GSE1: variants seen among roughly 807,000 people sequenced by gnomAD.
GSE1 encodes the protein Gse1 coiled-coil protein.
Under a neutral mutation model 112.6 loss-of-function variants are expected in GSE1, and 32 were observed. The ratio of observed to expected loss-of-function variants is 0.28; its 90% CI spans 0.21 to 0.38. GSE1 has a LOEUF of 0.38. GSE1 is among the 10% of genes least tolerant of loss of function. The pLI is 1.00. For missense variants in GSE1, 2,348 were observed against 1,699.2 expected (o/e 1.38, Z -6.71); for synonymous variants, 1,115 against 735.6 (o/e 1.52, Z -8.35).
chr16:85,629,789 G>A (rs754000931), intron 1 of GSE1, among the ~76,000 whole-genome samples: 5 of 152,232 alleles, frequency 3.3e-5, no homozygotes, highest in Non-Finnish European at 4.4e-5. Flanking sequence ...TGTGCAGATA[G>A]TTTCACTTCT....
intron 13 of GSE1, 90 bp downstream of exon 13, chr16:85,666,437 C>G: frequency 7.8e-7 from 1 of 1,274,220 alleles, no homozygotes; most frequent in Non-Finnish European, 1.1e-6. Flanking sequence ...GCCGTTCAGC[C>G]GTGGGCACAA....
Position 85,661,555 on chromosome 16 carries a change from A to G in GSE1, c.2050A>G (p.Thr684Ala). 3.1e-6 allele frequency: 5 copies of G among 1,611,632 alleles called. No individual in the cohort carries two copies. In the South Asian group the frequency reaches 5.5e-5, roughly 18 times the overall value. Residue 684 changes from threonine to alanine, a missense_variant, in exon 9 of 16, where the codon ACC becomes GCC. By Grantham distance (58) the Thr-to-Ala change is moderately conservative (BLOSUM62 0). Coordinates refer to ENST00000253458, the MANE Select transcript of GSE1 (RefSeq NM_014615.5). ...GGCTGAGCTCGAGAAGTCCACCCAG[A>G]CCATCCTGGGCCAGCAGCGGGCCTC... The part of the protein sequence containing the change: ...FLAELEKSTQ[T>A]ILGQQRASLP...
At chr16:85,524,316 C>T (rs555662703) in intron 2 of GSE1, among the ~76,000 whole-genome samples, 3 of 152,138 alleles carry the variant, frequency 2.0e-5, no homozygotes, top group African/African-American at 7.2e-5. Context: ...CCCAGTCCTG[C>T]TGCTTGCCGG....
chr16:85,515,952 A>G (rs2051920283), intron 2 of GSE1, among the ~76,000 whole-genome samples: 2 of 152,066 alleles, frequency 1.3e-5, no homozygotes, highest in Admixed American at 1.3e-4. Context: ...AGCACCGCAC[A>G]CGTTGGGCAG....
intron 4 of GSE1, 74 bp downstream of exon 4, chr16:85,654,524 A>T (rs763121045): frequency 2.3e-5 from 30 of 1,322,166 alleles, no homozygotes; most frequent in Non-Finnish European, 2.8e-5. Context: ...GTCCCCAGGC[A>T]GCCTGCGGTC....
intron 2 of GSE1, among the ~76,000 whole-genome samples, chr16:85,534,282 T>C (rs1245234867): frequency 6.6e-6 from 1 of 151,742 alleles, no homozygotes; most frequent in Non-Finnish European, 1.5e-5. Flanking sequence ...CCACCACACC[T>C]GGCTAATTTT....
At chr16:85,257,669 G>C (rs1033302329) in intron 1 of GSE1, among the ~76,000 whole-genome samples, 5 of 152,298 alleles carry the variant, frequency 3.3e-5, no homozygotes, top group African/African-American at 9.6e-5. Context: ...AAATTGGCAG[G>C]ACGTGGTGGT....
At chr16:85,533,920 T>C (rs986883361) in intron 2 of GSE1, among the ~76,000 whole-genome samples, 2 of 152,116 alleles carry the variant, frequency 1.3e-5, no homozygotes, top group Non-Finnish European at 2.9e-5. Flanking sequence ...TTCAACAAAA[T>C]GTACCCACTG....
intron 1 of GSE1, among the ~76,000 whole-genome samples, chr16:85,234,773 G>C (rs888471408): frequency 6.6e-6 from 1 of 152,218 alleles, no homozygotes; most frequent in Non-Finnish European, 1.5e-5. Context: ...CAGCAGGGAG[G>C]AGCCGGCAGC....
chr16:85,283,191 A>T (rs2044906995), intron 1 of GSE1: 1 of 152,868 alleles, frequency 6.5e-6, no homozygotes. Flanking sequence ...GGTACTAGCC[A>T]TGCCTCTGCC....
intron 1 of GSE1, among the ~76,000 whole-genome samples, chr16:85,625,331 C>G (rs1316454691): frequency 6.6e-6 from 1 of 152,246 alleles, no homozygotes; most frequent in Admixed American, 6.5e-5. Context: ...ACCTCCGGGA[C>G]CAGTCCGTGG....
intron 2 of GSE1, among the ~76,000 whole-genome samples, chr16:85,452,832 C>A (rs1427386097): frequency 6.6e-6 from 1 of 152,230 alleles, no homozygotes; most frequent in South Asian, 2.1e-4. Flanking sequence ...TGTGAACAAA[C>A]AGGGATTGGG....
chr16:85,547,114 C>T (rs1381350079), intron 2 of GSE1, among the ~76,000 whole-genome samples: 1 of 152,218 alleles, frequency 6.6e-6, no homozygotes, highest in African/African-American at 2.4e-5. Context: ...CCCTGTGACA[C>T]ACCTGAAGGA....
chr16:85,668,447 G>C (rs186029940), intron 14 of GSE1, 23 bp downstream of exon 14: 274 of 1,493,086 alleles, frequency 1.8e-4, no homozygotes, highest in Middle Eastern at 1.4e-3. Context: ...TGGGGAAGAG[G>C]GGGGAGGGGG....
Position 85,675,539 on chromosome 16 carries a change from G to C in GSE1, c.*3000G>C, listed in dbSNP as rs746552876. ...ATTCTGATAGGTTGCACCCTTAAGA[G>C]TATTCAGAGAGCATCAAAAGGAGCC... On this transcript the variant is annotated 3_prime_UTR_variant, in exon 16 of 16. Coordinates refer to ENST00000253458, the MANE Select transcript of GSE1 (RefSeq NM_014615.5). 7 of 152,198 alleles carry C rather than the reference G, an allele frequency of 4.6e-5. No homozygotes were observed. Among genetic ancestry groups the C allele is most frequent in the Non-Finnish European group, 1.0e-4 (7 of 68,034 alleles). The allele number at this position is 152,198 out of a possible 1,614,324, so 9.4% of individuals were successfully genotyped here. A position where few individuals can be genotyped will look rare whatever the true frequency, so the allele number is the denominator to read the frequency against.
intron 2 of GSE1, among the ~76,000 whole-genome samples, chr16:85,647,881 G>T (rs537130649): frequency 6.6e-6 from 1 of 152,124 alleles, no homozygotes; most frequent in Non-Finnish European, 1.5e-5. Context: ...CACCGCGCCC[G>T]GCCAGTGCTG....
At chr16:85,579,575 G>C (rs1477277337) in intron 1 of GSE1, among the ~76,000 whole-genome samples, 1 of 152,190 alleles carries the variant, frequency 6.6e-6, no homozygotes, top group African/African-American at 2.4e-5. Context: ...GGGCCAGCAG[G>C]GTCGATCCTG....
At chr16:85,509,330 A>T (rs988273168) in intron 2 of GSE1, among the ~76,000 whole-genome samples, 1 of 152,136 alleles carries the variant, frequency 6.6e-6, no homozygotes, top group African/African-American at 2.4e-5. Flanking sequence ...CGGTCTTCAG[A>T]GGCTGCCTGA....
chr16:85,362,523 C>A (rs529255830), intron 2 of GSE1, among the ~76,000 whole-genome samples: 1 of 152,360 alleles, frequency 6.6e-6, no homozygotes, highest in South Asian at 2.1e-4. Flanking sequence ...GGTTCAGGAC[C>A]TTCCCTGGGC....
Sources: gnomAD v4.1 joint callset for allele counts (sites outside exome capture counted in the v4.1 genomes callset) on GRCh38, gnomAD v4.1.1 for gene constraint, MANE v1.5 for transcripts, NCBI Gene and HGNC (gene_info 2026-07-23, HGNC 2026-07-21) for gene names.